The following FLT1 variants were observed in gnomAD, a reference collection of about 807,000 sequenced individuals.
FLT1 encodes fms related receptor tyrosine kinase 1.
Under a neutral mutation model 156.3 loss-of-function variants are expected in FLT1, and 49 were observed. The ratio of observed to expected loss-of-function variants is 0.31; its 90% CI spans 0.25 to 0.40. FLT1 has a LOEUF of 0.40. Among genes scored for constraint, FLT1 ranks in the 10% least tolerant of loss-of-function variants. The probability of loss-of-function intolerance (pLI) is 1.00; values close to 1 mark genes in which losing one functional copy is unlikely to be tolerated. For missense variants in FLT1, 1,322 were observed against 1,637.2 expected, an observed-to-expected ratio of 0.81 and a Z score of 3.32; for synonymous variants, 594 against 583.8, an observed-to-expected ratio of 1.02 and a Z score of -0.25.
At chr13:28,321,245 AG>A (rs1285399549) in intron 23 of FLT1, among the ~76,000 whole-genome samples, 3 of 152,206 alleles carry the variant, frequency 2.0e-5, no homozygotes, top group African/African-American at 7.2e-5. Flanking sequence ...GACAGGTGGG[AG>A]GCCAGGCATT....
At chr13:28,438,115 GC>G (rs1160849664) in intron 4 of FLT1, 105 bp downstream of exon 4, 3 of 1,124,510 alleles carry the variant, frequency 2.7e-6, no homozygotes, top group Non-Finnish European at 4.0e-6. Flanking sequence ...CCACTGAGAA[GC>G]CCAGGTGTTT....
chr13:28,317,698 C>G, intron 24 of FLT1, 101 bp from the exon 25 acceptor site: 1 of 767,938 alleles, frequency 1.3e-6, no homozygotes, highest in Non-Finnish European at 2.3e-6. Flanking sequence ...TTTAAAGCTA[C>G]GTTTTAGTAA....
rs371293095 is a variant in FLT1 at position 28,331,671 on chromosome 13, C to G, written c.2594-1943G>C. Among the ~76,000 whole-genome samples, 73 of 152,302 alleles carry G rather than the reference C, an allele frequency of 4.8e-4. 2 individuals are homozygous for G. The South Asian group carries it at 0.015, about 31-fold the overall frequency. On this transcript the variant is annotated intron_variant, in intron 18 of 29. Coordinates refer to ENST00000282397, the MANE Select transcript of FLT1 (RefSeq NM_002019.4). ...GGTCTCGAACGCCTGACCTCATGAT[C>G]TGCCGGCCTCGGCCTCCCAAAGTGC...
intron 14 of FLT1, among the ~76,000 whole-genome samples, chr13:28,359,371 A>G (rs1873025194): frequency 6.6e-6 from 1 of 152,216 alleles, no homozygotes. Flanking sequence ...CTCATCCCTT[A>G]TATAAAAATG....
In FLT1 at chr13:28,322,669, A is replaced by C; in HGVS notation, c.2953+121T>G. ...AATTCAAATCTTATCTCCTCAGGAC[A>C]TTACCATTCGAGTCTCCCACGGATG... On this transcript the variant is annotated intron_variant, in intron 21 of 29. Transcript: ENST00000282397. This position sits in a 1 kb window ranked among gnomAD's most constrained non-coding sequence, Gnocchi z 4.3. The C allele has an allele frequency of 2.2e-6, 2 of 902,814 alleles. No individual in the cohort carries two copies. Among genetic ancestry groups the C allele is most frequent in the Admixed American group, 3.4e-5 (2 of 58,220 alleles). The allele number at this position is 902,814 out of a possible 1,614,324, so 55.9% of individuals were successfully genotyped here. A position where few individuals can be genotyped will look rare whatever the true frequency, so the allele number is the denominator to read the frequency against.
chr13:28,363,760 C>T (rs548881803), intron 14 of FLT1, among the ~76,000 whole-genome samples: 1 of 151,882 alleles, frequency 6.6e-6, no homozygotes, highest in East Asian at 1.9e-4. Context: ...ATTATAGGCG[C>T]CCACCACTGC....
At chr13:28,473,661 GAA>G (rs1880307613) in intron 1 of FLT1, among the ~76,000 whole-genome samples, 5 of 123,572 alleles carry the variant, frequency 4.0e-5, no homozygotes, top group Admixed American at 2.7e-4. Context: ...AAGAAAGAAA[GAA>G]AGAAAGAAAG....
At chr13:28,349,425 TACACACACACACACACAC>T (rs34182100) in intron 15 of FLT1, among the ~76,000 whole-genome samples, 2 of 146,926 alleles carry the variant, frequency 1.4e-5, no homozygotes, top group Admixed American at 6.8e-5. Flanking sequence ...GGCCTTGCTG[TACACACACACACACACAC>T]ACACACACAC....
At chr13:28,386,154 A>G in intron 13 of FLT1, 5 of 1,053,902 alleles carry the variant, frequency 4.7e-6, no homozygotes, top group Non-Finnish European at 4.6e-6. Context: ...AAGGCAGCTT[A>G]GGAGTGATGA....
At chr13:28,306,304 G>A (rs186246597) in intron 29 of FLT1, among the ~76,000 whole-genome samples, 3 of 152,164 alleles carry the variant, frequency 2.0e-5, no homozygotes, top group Non-Finnish European at 2.9e-5. Context: ...GTGTCTCCTC[G>A]TGTATGAACC....
chr13:28,385,709 A>T (rs889785733), intron 13 of FLT1: 2 of 971,192 alleles, frequency 2.1e-6, no homozygotes, highest in Non-Finnish European at 2.5e-6. Context: ...CTCTTAAAAC[A>T]TACAAATATG....
chr13:28,404,904 C>G (rs570401866), intron 11 of FLT1, among the ~76,000 whole-genome samples: 145 of 151,518 alleles, frequency 9.6e-4, no homozygotes, highest in African/African-American at 3.2e-3. Flanking sequence ...CCTGTAATCC[C>G]AGCTACTTGG....
Position 28,494,909 on chromosome 13 carries a change from G to T in FLT1, c.-66C>A. Reference sequence around the variant, plus strand: ...CCCGCGGCCAACGACCCGGCCGCCAGAGTCCGTCCTCTCGTTCGCCGCCGC... The same window carrying T: ...CCCGCGGCCAACGACCCGGCCGCCATAGTCCGTCCTCTCGTTCGCCGCCGC... On this transcript the variant is annotated 5_prime_UTR_variant, in exon 1 of 30. In the 5' UTR this introduces an upstream ATG that the reference lacks. Transcript: ENST00000282397. The T allele has an allele frequency of 7.4e-7, 1 of 1,344,040 alleles. No individual in the cohort carries two copies. Among genetic ancestry groups the T allele is most frequent in the Non-Finnish European group, 1.0e-6 (1 of 995,620 alleles). 83.3% of individuals were successfully genotyped at this position (1,344,040 alleles called of 1,614,324 possible).
intron 16 of FLT1, among the ~76,000 whole-genome samples, chr13:28,340,294 T>C (rs2138853161): frequency 6.6e-6 from 1 of 152,326 alleles, no homozygotes; most frequent in East Asian, 1.9e-4. Context: ...CATTCTGACT[T>C]CATTTGTCCA....
intron 3 of FLT1, among the ~76,000 whole-genome samples, chr13:28,465,774 G>A (rs983302900): frequency 1.3e-5 from 2 of 152,140 alleles, no homozygotes; most frequent in African/African-American, 4.8e-5. Flanking sequence ...CCCCTGGGAG[G>A]CAGAAGTTGC....
At chr13:28,390,920 C>T (rs1403231541) in intron 12 of FLT1, among the ~76,000 whole-genome samples, 1 of 152,212 alleles carries the variant, frequency 6.6e-6, no homozygotes, top group Non-Finnish European at 1.5e-5. Context: ...TGAGAAGCAA[C>T]TGTTATTCAC....
At chr13:28,319,325 A>T (rs1871341768) in intron 24 of FLT1, 98 bp downstream of exon 24, 2 of 785,482 alleles carry the variant, frequency 2.5e-6, no homozygotes, top group Admixed American at 2.0e-5. Context: ...TTGTTACAGT[A>T]GGTTCTAATC....
At chr13:28,459,594 C>T (rs1369589607) in intron 3 of FLT1, among the ~76,000 whole-genome samples, 2 of 152,160 alleles carry the variant, frequency 1.3e-5, no homozygotes, top group African/African-American at 2.4e-5. Flanking sequence ...TATTAGATAA[C>T]GTCATGGATT....
chr13:28,409,358 T>C (rs1335082831), intron 10 of FLT1, among the ~76,000 whole-genome samples: 1 of 151,884 alleles, frequency 6.6e-6, no homozygotes, highest in Admixed American at 6.6e-5. Flanking sequence ...TCTTTCTTTT[T>C]TTTTTTTTTT....
Sources: allele counts gnomAD v4.1 joint callset (sites outside exome capture counted in the v4.1 genomes callset), GRCh38; gene constraint gnomAD v4.1.1; non-coding constraint Gnocchi (gnomAD v3.1); transcripts MANE v1.5; gene names NCBI Gene and HGNC (gene_info 2026-07-23, HGNC 2026-07-21).